Variants in TENM2 observed in about 807,000 individuals in gnomAD.
The protein encoded by TENM2 is teneurin-2.
Under a neutral mutation model 245.2 loss-of-function variants are expected in TENM2, and 52 were observed. That is an observed-to-expected ratio of 0.21 (90% CI 0.17 to 0.27). The LOEUF is 0.27. Ranked by LOEUF, TENM2 falls within the 10% of genes least tolerant of loss-of-function variation. The pLI is 1.00. For synonymous variants in TENM2, 1,363 were observed against 1,438.9 expected (o/e 0.95, Z 1.19); for missense variants, 3,046 against 3,666.8 (o/e 0.83, Z 4.37).
chr5:167,139,307 A>G, the TENM2 span, among the ~76,000 whole-genome samples: 1 of 152,238 alleles, frequency 6.6e-6, no homozygotes, highest in Non-Finnish European at 1.5e-5. Flanking sequence ...GAAGAAGGCA[A>G]TGAGAATTAA....
chr5:168,204,248 A>C lies in TENM2; in HGVS notation c.3575-124A>C, dbSNP rs907907032. 6 of 1,039,082 alleles carry C rather than the reference A, an allele frequency of 5.8e-6. No individual in the cohort carries two copies. The African/African-American group carries it at 8.0e-5, about 14-fold the overall frequency. 64.4% of individuals were successfully genotyped at this position (1,039,082 alleles called of 1,614,324 possible). A position where few individuals can be genotyped will look rare whatever the true frequency, so the allele number is the denominator to read the frequency against. Reference sequence around the variant, plus strand: ...TGCAGCTCTCTCCACATTGTGAAGAAGTTGGAGAGCTCCCCGAGCACTGAA... The same window carrying C: ...TGCAGCTCTCTCCACATTGTGAAGACGTTGGAGAGCTCCCCGAGCACTGAA... On this transcript the variant is annotated intron_variant, in intron 18 of 28. Coordinates refer to ENST00000518659, the Ensembl canonical transcript of TENM2.
At chr5:167,223,022 A>AT in the TENM2 span, among the ~76,000 whole-genome samples, 3 of 151,846 alleles carry the variant, frequency 2.0e-5, no homozygotes, top group Admixed American at 6.6e-5. Flanking sequence ...TTTCAATAGG[A>AT]TTTTTTTTAT....
intron 2 of TENM2, among the ~76,000 whole-genome samples, chr5:167,567,895 G>A (rs1279393036): frequency 6.6e-6 from 1 of 151,494 alleles, no homozygotes; most frequent in East Asian, 1.9e-4. Context: ...AGAATTGCAT[G>A]CCCACCAAAT....
chr5:167,522,396 A>G (rs1351931293), intron 2 of TENM2, among the ~76,000 whole-genome samples: 3 of 152,080 alleles, frequency 2.0e-5, no homozygotes, highest in African/African-American at 7.2e-5. Flanking sequence ...AAGAGGTTGG[A>G]TGAGATGTGA....
the TENM2 span, among the ~76,000 whole-genome samples, chr5:167,050,118 A>G: frequency 6.6e-6 from 1 of 152,152 alleles, no homozygotes; most frequent in Non-Finnish European, 1.5e-5. Flanking sequence ...GCTTGTAGAG[A>G]GAAGGGTCTA....
In TENM2 at chr5:167,690,920, AGTATGTGTGTGTGTGTGTGTGT is replaced by A. The variant is rs1298356578; in HGVS notation, c.503-185063_503-185042del. On this transcript the variant is annotated intron_variant, in intron 2 of 28. Coordinates refer to ENST00000518659, the Ensembl canonical transcript of TENM2. ...ATTTGTATATATATCCGTATATGCG[AGTATGTGTGTGTGTGTGTGTGT>A]GTGTGTGTGTGTGTGTGTGTGTGTG... 6.6e-5 allele frequency among the ~76,000 whole-genome samples: 9 copies of A among 136,538 alleles called. No individual in the cohort carries two copies. The South Asian group carries it at 1.6e-3, about 25-fold the overall frequency. 89.6% of individuals were successfully genotyped at this position (136,538 alleles called of 152,430 possible). A position where few individuals can be genotyped will look rare whatever the true frequency, so the allele number is the denominator to read the frequency against.
chr5:167,001,454 T>C, the TENM2 span, among the ~76,000 whole-genome samples: 2 of 152,052 alleles, frequency 1.3e-5, no homozygotes, highest in Non-Finnish European at 2.9e-5. Flanking sequence ...CTTATGGGGT[T>C]GCAGAAAGTT....
chr5:167,519,975 G>A (rs866867767), intron 2 of TENM2, among the ~76,000 whole-genome samples: 13 of 152,078 alleles, frequency 8.5e-5, no homozygotes, highest in African/African-American at 3.1e-4. Flanking sequence ...TGAAAATACC[G>A]AAAACATTCT....
the TENM2 span, among the ~76,000 whole-genome samples, chr5:167,224,321 G>A: frequency 6.6e-6 from 1 of 151,948 alleles, no homozygotes; most frequent in African/African-American, 2.4e-5. Flanking sequence ...TTATTGTTTT[G>A]GGTCTGAATT....
intron 3 of TENM2, among the ~76,000 whole-genome samples, chr5:167,910,288 A>G (rs1776446171): frequency 6.6e-6 from 1 of 152,086 alleles, no homozygotes; most frequent in Non-Finnish European, 1.5e-5. Flanking sequence ...GCTACTACTA[A>G]TCAATCAGAA....
At chr5:168,034,123 A>ATG (rs1787420087) in intron 5 of TENM2, among the ~76,000 whole-genome samples, 1 of 73,734 alleles carries the variant, frequency 1.4e-5, no homozygotes, top group Admixed American at 1.6e-4. Flanking sequence ...ATATATGTGT[A>ATG]TATATATATA....
chr5:167,605,174 G>A (rs1776938571), intron 2 of TENM2, among the ~76,000 whole-genome samples: 1 of 152,248 alleles, frequency 6.6e-6, no homozygotes. Context: ...AGGCCATGGG[G>A]AGTCATTAAA....
At chr5:168,058,852 A>G (rs1028431739) in intron 6 of TENM2, among the ~76,000 whole-genome samples, 8 of 152,108 alleles carry the variant, frequency 5.3e-5, no homozygotes, top group African/African-American at 1.7e-4. Context: ...GCACTATACT[A>G]ATCTCTCTTT....
At chr5:167,493,259 G>C (rs1768561314) in intron 2 of TENM2, among the ~76,000 whole-genome samples, 1 of 151,994 alleles carries the variant, frequency 6.6e-6, no homozygotes, top group African/African-American at 2.4e-5. Context: ...GCCTGGGTGA[G>C]AGAGTAAGAC....
chr5:167,040,239 G>A, the TENM2 span, among the ~76,000 whole-genome samples: 1 of 151,994 alleles, frequency 6.6e-6, no homozygotes, highest in East Asian at 2.0e-4. Flanking sequence ...GTTGATTGCT[G>A]TTTACAATTT....
At chr5:167,136,189 A>T in the TENM2 span, among the ~76,000 whole-genome samples, 2 of 152,208 alleles carry the variant, frequency 1.3e-5, no homozygotes, top group South Asian at 4.2e-4. Context: ...CTGCATACCA[A>T]CCCAGCTGGA....
chr5:167,252,221 A>C, the TENM2 span, among the ~76,000 whole-genome samples: 1 of 152,296 alleles, frequency 6.6e-6, no homozygotes, highest in Non-Finnish European at 1.5e-5. Flanking sequence ...AGAAAGCCAT[A>C]AACAGAAGTG....
chr5:167,112,931 G>T, the TENM2 span, among the ~76,000 whole-genome samples: 1 of 152,264 alleles, frequency 6.6e-6, no homozygotes, highest in South Asian at 2.1e-4. Context: ...AATCAAATTG[G>T]CACATCATAA....
rs563656610 is a variant in TENM2 at position 167,932,352 on chromosome 5, T to G, written c.713-20236T>G. ...ACAGTCTGTATTTGCTCATGGTAGC[T>G]GTCTCATTATTAATTATTCAGGGTC... On this transcript the variant is annotated intron_variant, in intron 3 of 28. Transcript: ENST00000518659. Among the ~76,000 whole-genome samples, 169 of 151,828 alleles carry G rather than the reference T, an allele frequency of 1.1e-3. 1 individual carries two copies. The highest frequency in any genetic ancestry group is 4.0e-3 in the African/African-American group (165 of 41,550).
Sources: gnomAD v4.1 joint callset for allele counts (sites outside exome capture counted in the v4.1 genomes callset) on GRCh38, gnomAD v4.1.1 for gene constraint, MANE v1.5 for transcripts, NCBI Gene and HGNC (gene_info 2026-07-23, HGNC 2026-07-21) for gene names.